ITPR1: variants seen among roughly 807,000 people sequenced by gnomAD.
ITPR1 encodes inositol 1,4,5-trisphosphate receptor type 1.
In ITPR1, 96 loss-of-function variants were observed where a neutral mutation model predicts 318.4. The observed-to-expected ratio is 0.30, with a 90% CI of 0.26 to 0.36. ITPR1 has a LOEUF of 0.36. ITPR1 is among the 10% of genes least tolerant of loss of function. The pLI is 1.00. For synonymous variants in ITPR1, 1,312 were observed against 1,289.9 expected, an observed-to-expected ratio of 1.02 and a Z score of -0.37; for missense variants, 2,440 against 3,460.2, an observed-to-expected ratio of 0.71 and a Z score of 7.40.
At chr3:4,714,140 G>A (rs980418240) in intron 39 of ITPR1, among the ~76,000 whole-genome samples, 6 of 152,164 alleles carry the variant, frequency 3.9e-5, no homozygotes, top group Non-Finnish European at 8.8e-5. Flanking sequence ...ATGGTTTACT[G>A]GCTGCCCCGT....
In ITPR1 at chr3:4,504,193, T is replaced by A. The variant is rs189070598; in HGVS notation, c.-17+9687T>A. ...AGACCAAATGTCAGTGCGGGCATCT[T>A]TTTTTGAGAAATAACTTTGTAGATA... On this transcript the variant is annotated intron_variant, in intron 2 of 61. Coordinates refer to ENST00000649015, the MANE Select transcript of ITPR1 (RefSeq NM_001378452.1). Among the ~76,000 whole-genome samples, 73 of 152,326 alleles carry A rather than the reference T, an allele frequency of 4.8e-4. 1 individual carries two copies. The highest frequency in any genetic ancestry group is 4.1e-3 in the Admixed American group (63 of 15,300).
At chr3:4,816,346 T>G (rs998879923) in intron 59 of ITPR1, 1 of 152,226 alleles carries the variant, frequency 6.6e-6, no homozygotes, top group Non-Finnish European at 1.5e-5. Context: ...CATGGTAAGA[T>G]TGAGGGTATG....
intron 4 of ITPR1, among the ~76,000 whole-genome samples, chr3:4,602,169 G>A (rs2125084092): frequency 6.6e-6 from 1 of 152,280 alleles, no homozygotes; most frequent in Admixed American, 6.5e-5. Context: ...ATATGATTCA[G>A]CAGTTTCACT....
intron 30 of ITPR1, among the ~76,000 whole-genome samples, chr3:4,686,324 G>A (rs3804989): frequency 0.4 from 60,647 of 151,900 alleles, 13,137 homozygotes; most frequent in Non-Finnish European, 0.5. Flanking sequence ...CAGGCCTTTC[G>A]GTAGCTATAA....
In ITPR1 at chr3:4,624,625, G is replaced by A. The variant is rs544164240; in HGVS notation, c.164-3138G>A. On this transcript the variant is annotated intron_variant, in intron 4 of 61. Transcript: ENST00000649015. ...GCAGAGGTTACAGTGAGCCGAGATC[G>A]TGCCACTGCACTCCAGCCTGGGCAA... 1.7e-4 allele frequency among the ~76,000 whole-genome samples: 25 copies of A among 144,862 alleles called. No individual in the cohort carries two copies. In the Middle Eastern group the frequency reaches 0.019, roughly 109 times the overall value.
rs762116038 is a variant in ITPR1, at chr3:4,670,843, G to C, written c.2121G>C (p.Glu707Asp). Residue 707 changes from glutamate to aspartate, a missense_variant, in exon 20 of 62, where the codon GAG (glutamate) becomes GAC (aspartate). This residue lies in a region of ITPR1 where 478 missense variants were observed against 696.3 expected (regional missense o/e 0.69). Transcript: ENST00000649015. ...TGTTTTGGAGGGACAGCAACAAAGA[G>C]ATTCGCAGCAAGAGTGTGAGGGAAT... ...VWLFWRDSNK[E>D]IRSKSVRELA... The C allele has an allele frequency of 1.2e-6, 2 of 1,611,152 alleles. No individual in the cohort carries two copies. The highest frequency in any genetic ancestry group is 1.7e-6 in the Non-Finnish European group (2 of 1,178,730).
At position 4,766,515 on chromosome 3, in the gene ITPR1, G is replaced by C; in HGVS notation, c.5545-15G>C. 1.9e-6 allele frequency: 3 copies of C among 1,612,308 alleles called. No individual in the cohort carries two copies. The highest frequency in any genetic ancestry group is 2.5e-6 in the Non-Finnish European group (3 of 1,178,662). On this transcript the variant is annotated splice_polypyrimidine_tract_variant and intron_variant, in intron 44 of 61. Transcript: ENST00000649015. ...TCAGTTACAGTGTTCACAATCTATG[G>C]ATTTTCCTTTGCAGCACTCCTTTTT...
intron 52 of ITPR1, among the ~76,000 whole-genome samples, chr3:4,791,876 G>A (rs537714412): frequency 3.9e-5 from 6 of 152,332 alleles, no homozygotes; most frequent in African/African-American, 1.4e-4. Flanking sequence ...ATGGGGAGAT[G>A]TATTTGTTGC....
chr3:4,826,303 G>T lies in ITPR1; in HGVS notation c.8028+8061G>T, dbSNP rs2050071693. Among the ~76,000 whole-genome samples the T allele has an allele frequency of 6.6e-6, 1 of 152,206 alleles. No individual in the cohort carries two copies. The highest frequency in any genetic ancestry group is 2.4e-5 in the African/African-American group (1 of 41,446). ...AGTGCTGAGCAGCAGCTTTCCTTGT[G>T]GCCTAACCTGGGAGGCCACGAGCAT... On this transcript the variant is annotated intron_variant, in intron 60 of 61. Coordinates refer to ENST00000649015, the MANE Select transcript of ITPR1 (RefSeq NM_001378452.1). This position sits in a 1 kb window ranked among gnomAD's most constrained non-coding sequence, Gnocchi z 4.2.
At chr3:4,611,231 CA>C (rs748883296) in intron 4 of ITPR1, among the ~76,000 whole-genome samples, 20 of 100,988 alleles carry the variant, frequency 2.0e-4, no homozygotes, top group Admixed American at 2.0e-4. Context: ...CTCATCTCTA[CA>C]AAAAAAAAAA....
chr3:4,745,295 A>T (rs1161968222), intron 44 of ITPR1, among the ~76,000 whole-genome samples: 1 of 151,754 alleles, frequency 6.6e-6, no homozygotes, highest in Non-Finnish European at 1.5e-5. Context: ...CTCTGCCAGG[A>T]TGTACTCCAT....
intron 4 of ITPR1, among the ~76,000 whole-genome samples, chr3:4,521,685 A>G (rs1310107710): frequency 6.6e-6 from 1 of 152,180 alleles, no homozygotes; most frequent in Non-Finnish European, 1.5e-5. Context: ...CCTGGGCAAC[A>G]TGGTGAAACA....
rs115081292 is a variant in ITPR1, at chr3:4,788,621, A to G, written c.6808+482A>G. The stretch of plus-strand genomic sequence containing the variant: ...AGGCAATGGAATCATTTGCCACATA[A>G]GGTGCATCATTGCTCACCAGCGAGT... On this transcript the variant is annotated intron_variant, in intron 52 of 61. Transcript: ENST00000649015. 2.1e-3 allele frequency among the ~76,000 whole-genome samples: 319 copies of G among 152,324 alleles called. 2 individuals carry two copies. Among genetic ancestry groups the G allele is most frequent in the African/African-American group, 7.3e-3 (302 of 41,576 alleles).
intron 60 of ITPR1, among the ~76,000 whole-genome samples, chr3:4,820,922 C>A (rs1186522910): frequency 2.6e-5 from 4 of 152,194 alleles, no homozygotes; most frequent in Non-Finnish European, 5.9e-5. Context: ...CCCATGGGAC[C>A]TCAGAGCTGC....
chr3:4,541,195 G>A (rs571070396), intron 4 of ITPR1, among the ~76,000 whole-genome samples: 19 of 151,646 alleles, frequency 1.3e-4, no homozygotes, highest in African/African-American at 2.9e-4. Context: ...ATTAACTTAC[G>A]TATTAGTATT....
intron 28 of ITPR1, among the ~76,000 whole-genome samples, chr3:4,684,019 G>C (rs767709817): frequency 1.3e-5 from 2 of 152,192 alleles, no homozygotes; most frequent in African/African-American, 2.4e-5. Context: ...AAGAGACTGC[G>C]ATATTGAGTG....
rs1387747146 is a variant in ITPR1, at chr3:4,609,051, A to AATATGTATATATAT, written c.164-18708_164-18707insGTATATATATATAT. Among the ~76,000 whole-genome samples the AATATGTATATATAT allele has an allele frequency of 1.8e-3, 86 of 46,568 alleles. 1 individual carries two copies. The highest frequency in any genetic ancestry group is 3.8e-3 in the Admixed American group (10 of 2,640). 30.6% of individuals were successfully genotyped at this position (46,568 alleles called of 152,430 possible). ...CAAAAGAAAACAACAACAACAACGA[A>AATATGTATATATAT]ATATATATATATATATATATATATA... On this transcript the variant is annotated intron_variant, in intron 4 of 61. Transcript: ENST00000649015.
intron 6 of ITPR1, 91 bp downstream of exon 6, chr3:4,639,561 T>G (rs941579492): frequency 1.1e-6 from 1 of 925,904 alleles, no homozygotes; most frequent in Non-Finnish European, 1.7e-6. Context: ...TTTGGACACC[T>G]TTACAGCAGG....
At chr3:4,774,317 A>C (rs2046356379) in intron 46 of ITPR1, among the ~76,000 whole-genome samples, 3 of 152,352 alleles carry the variant, frequency 2.0e-5, no homozygotes, top group Middle Eastern at 3.4e-3. Context: ...TCACTGTCAC[A>C]AGCAGTACTA....
Sources: allele counts gnomAD v4.1 joint callset (sites outside exome capture counted in the v4.1 genomes callset), GRCh38; gene constraint gnomAD v4.1.1; regional missense constraint gnomAD v4.1.1; non-coding constraint Gnocchi (gnomAD v3.1); transcripts MANE v1.5; gene names NCBI Gene and HGNC (gene_info 2026-07-23, HGNC 2026-07-21).